Variants in NBEA observed in about 807,000 individuals in gnomAD.
NBEA encodes the protein neurobeachin, also known as lysosomal-trafficking regulator 2.
NBEA carries 44 observed loss-of-function variants against 343.4 expected under a neutral mutation model. That is an observed-to-expected ratio of 0.13 (90% CI 0.10 to 0.16). NBEA has a LOEUF of 0.16. NBEA is among the 10% of genes least tolerant of loss of function. The probability of loss-of-function intolerance (pLI) is 1.00; values close to 1 mark genes in which losing one functional copy is unlikely to be tolerated. For missense variants in NBEA, 2,555 were observed against 3,631.3 expected, an observed-to-expected ratio of 0.70 and a Z score of 7.62; for synonymous variants, 1,175 against 1,238.7, an observed-to-expected ratio of 0.95 and a Z score of 1.08.
chr13:35,201,351 A>AT (rs912756027), intron 31 of NBEA, among the ~76,000 whole-genome samples: 6 of 151,972 alleles, frequency 3.9e-5, no homozygotes, highest in Non-Finnish European at 8.8e-5. Flanking sequence ...TCTTAAACAT[A>AT]TTTTTTTATA....
intron 10 of NBEA, among the ~76,000 whole-genome samples, chr13:35,095,387 C>G (rs2065282389): frequency 1.3e-5 from 2 of 150,854 alleles, no homozygotes; most frequent in African/African-American, 4.9e-5. Flanking sequence ...ATTTGTGGGC[C>G]AAGACTGTTG....
intron 14 of NBEA, 90 bp from the exon 15 acceptor site, chr13:35,118,138 A>T (rs2066602558): frequency 1.2e-6 from 1 of 863,760 alleles, no homozygotes; most frequent in Non-Finnish European, 1.7e-6. Flanking sequence ...ACTAACTCTT[A>T]TTTTCTTTTA....
At chr13:35,586,725 A>G (rs539702623) in intron 46 of NBEA, among the ~76,000 whole-genome samples, 11 of 152,260 alleles carry the variant, frequency 7.2e-5, no homozygotes, top group African/African-American at 2.6e-4. Flanking sequence ...GTCATTGCCT[A>G]TTTATCTCTA....
intron 34 of NBEA, among the ~76,000 whole-genome samples, chr13:35,248,924 C>T (rs1344633104): frequency 2.5e-4 from 38 of 152,034 alleles, no homozygotes; most frequent in Non-Finnish European, 1.5e-5. Context: ...CCGAGGCAGG[C>T]AGATCACCTG....
At chr13:35,334,647 G>A (rs899280407) in intron 36 of NBEA, among the ~76,000 whole-genome samples, 1 of 152,120 alleles carries the variant, frequency 6.6e-6, no homozygotes, top group Admixed American at 6.5e-5. Context: ...TGCCATTCGT[G>A]TGTCTTCTTT....
intron 38 of NBEA, among the ~76,000 whole-genome samples, chr13:35,363,629 T>G (rs1403358175): frequency 6.6e-6 from 1 of 151,864 alleles, no homozygotes; most frequent in Non-Finnish European, 1.5e-5. Flanking sequence ...TCTGAAAGGG[T>G]TGGCATAGGA....
At chr13:35,557,111 G>A (rs2079608599) in intron 44 of NBEA, among the ~76,000 whole-genome samples, 1 of 152,194 alleles carries the variant, frequency 6.6e-6, no homozygotes. Flanking sequence ...CTCACTTGTA[G>A]TTCAGTTTCC....
chr13:35,517,585 C>T (rs1465014642), intron 41 of NBEA, among the ~76,000 whole-genome samples: 2 of 152,174 alleles, frequency 1.3e-5, no homozygotes, highest in Non-Finnish European at 2.9e-5. Context: ...ACCTCTTTAG[C>T]CTATTGGAGT....
intron 35 of NBEA, among the ~76,000 whole-genome samples, chr13:35,309,005 T>G (rs977185065): frequency 6.6e-6 from 1 of 151,982 alleles, no homozygotes; most frequent in African/African-American, 2.4e-5. Flanking sequence ...AATTTGTAAC[T>G]TTTTTCTAAT....
chr13:35,221,712 T>C (rs2074380499), intron 33 of NBEA, among the ~76,000 whole-genome samples: 1 of 152,152 alleles, frequency 6.6e-6, no homozygotes, highest in African/African-American at 2.4e-5. Flanking sequence ...ATTCACCACT[T>C]CTTTAAAGTG....
chr13:35,542,863 GCT>G (rs1035574477), intron 41 of NBEA, among the ~76,000 whole-genome samples: 3 of 151,930 alleles, frequency 2.0e-5, no homozygotes, highest in African/African-American at 7.2e-5. Context: ...GTACAAATAA[GCT>G]CTTTTTTCAA....
intron 40 of NBEA, among the ~76,000 whole-genome samples, chr13:35,471,475 A>G (rs1309281689): frequency 1.3e-5 from 2 of 152,196 alleles, no homozygotes; most frequent in African/African-American, 4.8e-5. Flanking sequence ...TCCGATCCCC[A>G]CGTTATGTAT....
chr13:35,617,634 G>A (rs1196131527), intron 48 of NBEA, among the ~76,000 whole-genome samples: 1 of 152,138 alleles, frequency 6.6e-6, no homozygotes, highest in African/African-American at 2.4e-5. Flanking sequence ...CGTGAAATGT[G>A]GCTGCATGAT....
At chr13:35,137,590 T>C (rs1340196083) in intron 17 of NBEA, among the ~76,000 whole-genome samples, 2 of 152,140 alleles carry the variant, frequency 1.3e-5, no homozygotes, top group East Asian at 1.9e-4. Flanking sequence ...AAAATAAAAT[T>C]TAGTATGAGT....
intron 38 of NBEA, among the ~76,000 whole-genome samples, chr13:35,369,517 A>AG (rs2041313222): frequency 6.6e-6 from 1 of 151,826 alleles, no homozygotes; most frequent in Non-Finnish European, 1.5e-5. Flanking sequence ...TCAATCAGTG[A>AG]GCATTGGATG....
At chr13:35,142,661 G>T (rs550907501) in intron 18 of NBEA, among the ~76,000 whole-genome samples, 2 of 151,996 alleles carry the variant, frequency 1.3e-5, no homozygotes, top group African/African-American at 4.8e-5. Flanking sequence ...AACTACATCC[G>T]TTATGTAGTA....
At chr13:35,490,842 A>G (rs1211098381) in intron 41 of NBEA, among the ~76,000 whole-genome samples, 2 of 151,876 alleles carry the variant, frequency 1.3e-5, no homozygotes, top group Admixed American at 6.6e-5. Context: ...AACTCTTCCA[A>G]GTTCACAAAG....
rs192432516 is a variant in NBEA at position 35,105,548 on chromosome 13, A to G, written c.1681-3742A>G. On this transcript the variant is annotated intron_variant, in intron 11 of 58. Transcript: ENST00000379939. ...ACATCCAGGTGAAGAAAGCGAGCTC[A>G]TTTCTGTCAATTACTGAGCAAGATT... 8.9e-4 allele frequency among the ~76,000 whole-genome samples: 135 copies of G among 152,112 alleles called. 1 individual carries two copies. Among genetic ancestry groups the G allele is most frequent in the African/African-American group, 3.2e-3 (132 of 41,536 alleles).
chr13:35,015,834 C>A (rs1285574117), intron 1 of NBEA, among the ~76,000 whole-genome samples: 36 of 151,848 alleles, frequency 2.4e-4, no homozygotes, highest in Admixed American at 2.4e-3. Context: ...TACATAATAA[C>A]CTCATTTAAC....
Sources: allele counts gnomAD v4.1 joint callset (sites outside exome capture counted in the v4.1 genomes callset), GRCh38; gene constraint gnomAD v4.1.1; transcripts MANE v1.5; gene names NCBI Gene and HGNC (gene_info 2026-07-23, HGNC 2026-07-21).